The following GNE variants were observed in gnomAD, a reference collection of about 807,000 sequenced individuals.
GNE encodes the protein bifunctional UDP-N-acetylglucosamine 2-epimerase/N-acetylmannosamine kinase.
Under a neutral mutation model 61.8 loss-of-function variants are expected in GNE, and 41 were observed. The observed-to-expected ratio is 0.66, with a 90% CI of 0.52 to 0.86. The LOEUF is 0.86. Ranked by LOEUF, GNE falls within the 40% of genes least tolerant of loss-of-function variation. GNE has a pLI of 0.00. For synonymous variants in GNE, 264 were observed against 326.4 expected, an observed-to-expected ratio of 0.81 and a Z score of 2.06; for missense variants, 608 against 909.1, an observed-to-expected ratio of 0.67 and a Z score of 4.26.
At chr9:36,232,345 C>CCCCCCCCCCCCCCCCCCCA (rs1554660756) in intron 5 of GNE, among the ~76,000 whole-genome samples, 1 of 126,388 alleles carries the variant, frequency 7.9e-6, no homozygotes, top group Non-Finnish European at 1.6e-5. Context: ...CGCCCCCCCT[C>CCCCCCCCCCCCCCCCCCCA]CCGACATTCC....
Position 36,216,421 on chromosome 9 carries a change from C to T in GNE, c.*944G>A, listed in dbSNP as rs565028656. On this transcript the variant is annotated 3_prime_UTR_variant, in exon 12 of 12. Transcript: ENST00000642385. ...CATGATCTCGGCTCACTGCAACCTC[C>T]GCCTCCCGGGTTCAAGCAATTCTCC... is the stretch of plus-strand genomic sequence containing the variant. The T allele has an allele frequency of 1.8e-4, 56 of 307,280 alleles. No individual in the cohort carries two copies. The highest frequency in any genetic ancestry group is 5.0e-4 in the Admixed American group (16 of 31,864). 19.0% of individuals were successfully genotyped at this position (307,280 alleles called of 1,614,324 possible). A position where few individuals can be genotyped will look rare whatever the true frequency, so the allele number is the denominator to read the frequency against.
At chr9:36,276,925 A>C in exon 1 of GNE, 1 of 1,613,170 alleles carries the variant, frequency 6.2e-7, no homozygotes, top group African/African-American at 1.3e-5. Flanking sequence ...CTCCCTCTGC[A>C]GATAACCATA....
chr9:36,247,488 G>A (rs1331046811), intron 2 of GNE, among the ~76,000 whole-genome samples: 2 of 152,076 alleles, frequency 1.3e-5, no homozygotes, highest in African/African-American at 4.8e-5. Flanking sequence ...TTTTCATTAA[G>A]TACTAGTCAA....
chr9:36,251,649 A>G (rs571505550), intron 1 of GNE, among the ~76,000 whole-genome samples: 12 of 152,262 alleles, frequency 7.9e-5, no homozygotes, highest in African/African-American at 2.6e-4. Context: ...TCTGATCTCA[A>G]TGTTCATGTT....
intron 3 of GNE, 84 bp downstream of exon 3, chr9:36,245,947 T>C: frequency 2.8e-6 from 3 of 1,082,282 alleles, no homozygotes; most frequent in Non-Finnish European, 4.2e-6. Context: ...ATTCTATCCA[T>C]AATAGTTTCC....
rs770928991 is a variant in GNE, at chr9:36,218,223, C to T, written c.1893G>A (p.Ala631=). The change falls in exon 11 of 12, where the codon GCG becomes GCA. Residue 631 remains alanine, a synonymous_variant. Coordinates refer to ENST00000642385, the MANE Select transcript of GNE (RefSeq NM_005476.7). This position sits in a 1 kb window ranked among gnomAD's most constrained non-coding sequence, Gnocchi z 4.1. ...AVGALHLIQA[A]KLGNAKAQSI... ...TCTGGGCCTTCGCATTGCCAAGTTT[C>T]GCAGCTTGGATGAGATGGAGCGCAC... is the stretch of plus-strand genomic sequence containing the variant. The T allele has an allele frequency of 7.4e-6, 12 of 1,613,930 alleles. No individual in the cohort carries two copies. In the African/African-American group the frequency reaches 1.2e-4, roughly 16 times the overall value.
intron 3 of GNE, among the ~76,000 whole-genome samples, chr9:36,237,856 T>C (rs1220953654): frequency 2.6e-5 from 4 of 151,900 alleles, no homozygotes; most frequent in Admixed American, 2.6e-4. Context: ...TGTATCATTC[T>C]TAGGCCTTTG....
rs191844470 is a variant in GNE, at chr9:36,275,046, A to T, written c.51+1848T>A. Among the ~76,000 whole-genome samples, 929 of 152,308 alleles carry T rather than the reference A, an allele frequency of 6.1e-3. 12 individuals are homozygous for T. Among genetic ancestry groups the T allele is most frequent in the African/African-American group, 0.021 (858 of 41,574 alleles). On this transcript the variant is annotated intron_variant, in intron 1 of 11. Transcript: ENST00000396594. ...GCCGGTTTCACAATCATTTAAAATG[A>T]TTCCTAGATGTGAATTTCTATCCCA...
At chr9:36,244,664 G>A (rs145474123) in intron 3 of GNE, among the ~76,000 whole-genome samples, 48 of 151,522 alleles carry the variant, frequency 3.2e-4, no homozygotes, top group African/African-American at 9.2e-4. Context: ...TGAGCCAGGC[G>A]CGGTGGCTCA....
chr9:36,248,939 TCTA>T (rs1830007979), intron 2 of GNE, among the ~76,000 whole-genome samples: 1 of 152,198 alleles, frequency 6.6e-6, no homozygotes, highest in Non-Finnish European at 1.5e-5. Context: ...TTATCAATCA[TCTA>T]CTAAGCGGCA....
chr9:36,223,253 G>T, intron 8 of GNE, 120 bp downstream of exon 8: 3 of 974,902 alleles, frequency 3.1e-6, no homozygotes, highest in Non-Finnish European at 3.3e-6. Context: ...CCCACAGACA[G>T]CACCTAGAGC....
intron 5 of GNE, among the ~76,000 whole-genome samples, chr9:36,231,085 G>A (rs10972799): frequency 0.084 from 7,920 of 94,260 alleles, 239 homozygotes; most frequent in Non-Finnish European, 0.1. Flanking sequence ...AAAAAAAAAA[G>A]AAAGAAAGAG....
At chr9:36,230,984 TC>T (rs1829117543) in intron 5 of GNE, among the ~76,000 whole-genome samples, 1 of 146,608 alleles carries the variant, frequency 6.8e-6, no homozygotes, top group Non-Finnish European at 1.5e-5. Flanking sequence ...AGGCATCTGA[TC>T]CCCAGCCAAA....
At chr9:36,224,724 G>T (rs141250784) in intron 7 of GNE, among the ~76,000 whole-genome samples, 1,709 of 152,192 alleles carry the variant, frequency 0.011, 34 homozygotes, top group African/African-American at 0.038. Context: ...ACAAAAATTA[G>T]CTGGGCGTGG....
At chr9:36,272,915 TA>T (rs1422878459) in intron 1 of GNE, among the ~76,000 whole-genome samples, 4 of 13,856 alleles carry the variant, frequency 2.9e-4, no homozygotes, top group African/African-American at 7.4e-4. Context: ...CTAGTAAAAA[TA>T]CAAAAAAAAA....
chr9:36,261,748 C>T (rs966724266), upstream of GNE, among the ~76,000 whole-genome samples: 3 of 151,572 alleles, frequency 2.0e-5, no homozygotes, highest in Non-Finnish European at 4.4e-5. Context: ...TGTGAAAACC[C>T]GTCTCTACTA....
chr9:36,216,327 A>ATTGTGTGTG lies in GNE; in HGVS notation c.*1037_*1038insCACACACAA, dbSNP rs3222477. 1.3e-3 allele frequency: 460 copies of ATTGTGTGTG among 357,650 alleles called. 1 individual carries two copies. Among genetic ancestry groups the ATTGTGTGTG allele is most frequent in the African/African-American group, 9.5e-3 (399 of 41,798 alleles). 22.2% of individuals were successfully genotyped at this position (357,650 alleles called of 1,614,324 possible). ...TTAGTTTGGGGTTAGAGGAGGAAGG[A>ATTGTGTGTG]TGTGTGTGTGTGTGTGTGTGTGTGT... On this transcript the variant is annotated 3_prime_UTR_variant, in exon 12 of 12. Coordinates refer to ENST00000642385, the MANE Select transcript of GNE (RefSeq NM_005476.7).
chr9:36,243,849 G>A lies in GNE; in HGVS notation c.616+2182C>T, dbSNP rs1020574113. 5.3e-5 allele frequency among the ~76,000 whole-genome samples: 8 copies of A among 151,990 alleles called. 1 individual carries two copies. The East Asian group carries it at 1.4e-3, about 26-fold the overall frequency. On this transcript the variant is annotated intron_variant, in intron 3 of 11. Transcript: ENST00000642385. Reference sequence around the variant, plus strand: ...ATGGAGTACGTTATATAGCAGGAAAGCCCAATTCCTTTCCTGATGTAATGT... The same window carrying A: ...ATGGAGTACGTTATATAGCAGGAAAACCCAATTCCTTTCCTGATGTAATGT...
chr9:36,256,798 A>G (rs1272364303), intron 1 of GNE, among the ~76,000 whole-genome samples: 1 of 152,218 alleles, frequency 6.6e-6, no homozygotes, highest in East Asian at 1.9e-4. Flanking sequence ...ACATTGTGCT[A>G]ATAGGTTTCT....
Sources: allele counts gnomAD v4.1 joint callset (sites outside exome capture counted in the v4.1 genomes callset), GRCh38; gene constraint gnomAD v4.1.1; non-coding constraint Gnocchi (gnomAD v3.1); transcripts MANE v1.5; gene names NCBI Gene and HGNC (gene_info 2026-07-23, HGNC 2026-07-21).